Variants in KARS1 observed in about 807,000 individuals in gnomAD.
The protein encoded by KARS1 is lysine--tRNA ligase.
KARS1 carries 50 observed loss-of-function variants against 63.9 expected under a neutral mutation model. The ratio of observed to expected loss-of-function variants is 0.78; its 90% confidence interval spans 0.62 to 0.99. The LOEUF (loss-of-function observed/expected upper bound fraction) is 0.99. Ranked by LOEUF, KARS1 falls within the 50% of genes least tolerant of loss-of-function variation. The pLI, the probability that KARS1 is intolerant of heterozygous loss-of-function variation, is 0.00. For synonymous variants in KARS1, 320 were observed against 264.6 expected (o/e 1.21, Z -2.03); for missense variants, 816 against 754.5 (o/e 1.08, Z -0.95).
chr16:75,642,130 T>C (rs572890028), intron 1 of KARS1, among the ~76,000 whole-genome samples: 1 of 150,302 alleles, frequency 6.7e-6, no homozygotes, highest in South Asian at 2.1e-4. Flanking sequence ...GGACAGTGAC[T>C]GAATCTTAGT....
At chr16:75,640,905 A>G (rs1275418258) in intron 2 of KARS1, among the ~76,000 whole-genome samples, 3 of 152,214 alleles carry the variant, frequency 2.0e-5, no homozygotes, top group Non-Finnish European at 4.4e-5. Context: ...CAATTTTACT[A>G]GTAAAACCAA....
At position 75,641,609 on chromosome 16, in the gene KARS1, G is replaced by T; in HGVS notation, c.177C>A (p.Thr59=). The change falls in exon 2 of 14, where the codon ACC becomes ACA. Residue 59 remains threonine (T), a synonymous_variant. Transcript: ENST00000302445. ...CCTCAGGACCCACACCATTATCAGT[G>T]GTGTGGTTGGTGGCAGCAGCAGTGG... The part of the protein sequence containing the change: ...SQATAAATNH[T]TDNGVGPEEE... The T allele has an allele frequency of 1.2e-6, 2 of 1,613,982 alleles. No homozygotes were observed. Among genetic ancestry groups the T allele is most frequent in the Admixed American group, 3.3e-5 (2 of 60,010 alleles).
In KARS1 at chr16:75,631,533, C is replaced by A; in HGVS notation, c.1135G>T (p.Glu379Ter). The A allele has an allele frequency of 6.2e-7, 1 of 1,613,770 alleles. No homozygotes were observed. Among genetic ancestry groups the A allele is most frequent in the Non-Finnish European group, 8.5e-7 (1 of 1,179,676 alleles). The change falls in exon 9 of 14, where the codon GAG becomes TAG. Residue 379 changes from glutamate (E) to a stop codon, truncating the protein, a stop_gained. Coordinates refer to ENST00000302445, the MANE Select transcript of KARS1 (RefSeq NM_005548.3). LOFTEE classifies it high-confidence loss of function. The stretch of plus-strand genomic sequence containing the variant: ...AAGTCAACATCGTAGGCTTGGCCCT[C>A]TGGGCCATCTGGGTGGTAGGTGACC... ...YKVTYHPDGP[E>*]GQAYDVDFTP...
In KARS1 at chr16:75,640,332, G is replaced by A. The variant is rs1366385408; in HGVS notation, c.240C>T (p.Arg80=). ...SVDPNQYYKI[R]SQAIHQLKVN... is the part of the protein sequence containing the mutation. The stretch of plus-strand genomic sequence containing the variant: ...CCTTCAGCTGATGAATTGCTTGACT[G>A]CGGATTTTGTAGTATTGCTGTTAAA... The change falls in exon 3 of 14, where the codon CGC becomes CGT. Residue 80 remains arginine, a synonymous_variant. Coordinates refer to ENST00000302445, the MANE Select transcript of KARS1 (RefSeq NM_005548.3). The A allele has an allele frequency of 3.7e-6, 6 of 1,611,598 alleles. No individual in the cohort carries two copies. Among genetic ancestry groups the A allele is most frequent in the African/African-American group, 1.4e-5 (1 of 74,026 alleles).
At chr16:75,647,401 C>T in intron 1 of KARS1, 177 bp downstream of exon 1, 1 of 686,574 alleles carries the variant, frequency 1.5e-6, no homozygotes, top group East Asian at 2.7e-5. Flanking sequence ...AGCCGGCGTG[C>T]CCGGGGTATC....
intron 11 of KARS1, among the ~76,000 whole-genome samples, chr16:75,629,959 T>C (rs1259548012): frequency 6.6e-6 from 1 of 152,242 alleles, no homozygotes; most frequent in Non-Finnish European, 1.5e-5. Context: ...GAAGGTTTAA[T>C]GATCTTCCTA....
At chr16:75,644,010 G>T (rs2082253479) in intron 1 of KARS1, among the ~76,000 whole-genome samples, 1 of 152,180 alleles carries the variant, frequency 6.6e-6, no homozygotes, top group African/African-American at 2.4e-5. Context: ...ACAGAAAAGG[G>T]AAATAGCTGG....
At chr16:75,628,078 T>C (rs753428124) in intron 13 of KARS1, 85 bp from the exon 14 acceptor site, 11 of 834,620 alleles carry the variant, frequency 1.3e-5, no homozygotes, top group Admixed American at 1.7e-5. Context: ...CTTGCCTCTG[T>C]TGTTACCACC....
At chr16:75,647,355 T>A in intron 1 of KARS1, 1 of 637,680 alleles carries the variant, frequency 1.6e-6, no homozygotes, top group East Asian at 2.7e-5. Context: ...AGGAGTATGA[T>A]AGGGAGCATC....
rs202115505 is a variant in KARS1 at position 75,629,554 on chromosome 16, G to A, written c.1425-13C>T. The A allele has an allele frequency of 1.1e-4, 175 of 1,613,626 alleles. No individual in the cohort carries two copies. Among genetic ancestry groups the A allele is most frequent in the Non-Finnish European group, 1.2e-4 (141 of 1,179,810 alleles). On this transcript the variant is annotated splice_polypyrimidine_tract_variant and intron_variant, in intron 11 of 13. Transcript: ENST00000302445. ...TTTAGAGCGGTGCCTAGGGACAGGA[G>A]ACCAAAGAGGAGGCTGAATATAGAG...
intron 10 of KARS1, 65 bp from the exon 11 acceptor site, chr16:75,630,573 G>A (rs1267165695): frequency 5.1e-6 from 5 of 983,828 alleles, no homozygotes; most frequent in Non-Finnish European, 8.2e-6. Flanking sequence ...TCCCAGCCCA[G>A]ACAGAAGATC....
At chr16:75,636,589 A>G (rs2082164484) in intron 3 of KARS1, 42 bp from the exon 4 acceptor site, 3 of 1,281,446 alleles carry the variant, frequency 2.3e-6, no homozygotes, top group Non-Finnish European at 3.4e-6. Flanking sequence ...CAGAACCAGA[A>G]GTCATTTTAT....
chr16:75,639,029 G>A (rs1489922777), intron 3 of KARS1, among the ~76,000 whole-genome samples: 2 of 151,946 alleles, frequency 1.3e-5, no homozygotes, highest in African/African-American at 2.4e-5. Flanking sequence ...TTAGCTGGGC[G>A]TGGTGGCAGG....
rs148991591 is a variant in KARS1, at chr16:75,642,185, C to CTTT, written c.63-465_63-463dup. 2.4e-3 allele frequency among the ~76,000 whole-genome samples: 152 copies of CTTT among 63,188 alleles called. 17 individuals carry two copies. The East Asian group carries it at 0.037, about 15-fold the overall frequency. 41.5% of individuals were successfully genotyped at this position (63,188 alleles called of 152,430 possible). On this transcript the variant is annotated intron_variant, in intron 1 of 13. Coordinates refer to ENST00000302445, the MANE Select transcript of KARS1 (RefSeq NM_005548.3). ...AGGTGAAGTTCCAACAGTGCCAGGT[C>CTTT]TTTTTTTTTTTTTTTTTTTTTTTTT...
chr16:75,645,394 C>G (rs2082269649), intron 1 of KARS1, among the ~76,000 whole-genome samples: 1 of 152,154 alleles, frequency 6.6e-6, no homozygotes, highest in African/African-American at 2.4e-5. Flanking sequence ...TTTAATAGTG[C>G]ATTTAATTAC....
chr16:75,646,809 A>G (rs1161760106), intron 1 of KARS1, among the ~76,000 whole-genome samples: 1 of 151,928 alleles, frequency 6.6e-6, no homozygotes, highest in Non-Finnish European at 1.5e-5. Flanking sequence ...ACGGGGATTA[A>G]GCCCTCTCGT....
rs80068681 is a variant in KARS1, at chr16:75,635,836, G to C, written c.670-31C>G. 245 of 1,614,092 alleles carry C rather than the reference G, an allele frequency of 1.5e-4. 1 individual carries two copies. The East Asian group carries it at 5.2e-3, about 34-fold the overall frequency. ...CCAAAAGCAGCAGTTAGAAATCACTGGTATGTCTGATCCAAAGGTATGATA... is the reference window on the plus strand; with the variant it reads ...CCAAAAGCAGCAGTTAGAAATCACTCGTATGTCTGATCCAAAGGTATGATA... On this transcript the variant is annotated intron_variant, in intron 5 of 13. Transcript: ENST00000302445.
chr16:75,636,452 AC>A lies in KARS1; in HGVS notation c.482+1del. 1 of 1,595,016 alleles carries A rather than the reference AC, an allele frequency of 6.3e-7. No individual in the cohort carries two copies. The highest frequency in any genetic ancestry group is 1.3e-5 in the African/African-American group (1 of 74,626). On this transcript the variant is annotated splice_donor_variant, in intron 4 of 13. Transcript: ENST00000302445. LOFTEE classifies it high-confidence loss of function. ...GGTCTATAACTGGGTATTTCGAGAT[AC>A]CTGGAATTGGCCATGACTTGCAACT... is the stretch of plus-strand genomic sequence containing the variant.
At chr16:75,644,301 G>C (rs762269696) in intron 1 of KARS1, 7 of 1,603,530 alleles carry the variant, frequency 4.4e-6, no homozygotes, top group East Asian at 2.2e-5. Context: ...ATCAGAAAAT[G>C]ACTTGTCCTT....
Sources: allele counts gnomAD v4.1 joint callset (sites outside exome capture counted in the v4.1 genomes callset), GRCh38; gene constraint gnomAD v4.1.1; transcripts MANE v1.5; gene names NCBI Gene and HGNC (gene_info 2026-07-23, HGNC 2026-07-21).